The following MAEL variants were observed in gnomAD, a reference collection of about 807,000 sequenced individuals.
MAEL encodes maelstrom spermatogenic transposon silencer, also known as protein maelstrom homolog.
In MAEL, 46 loss-of-function variants were observed where a neutral mutation model predicts 62.0. The observed-to-expected ratio is 0.74, with a 90% confidence interval of 0.59 to 0.95. The LOEUF is 0.95. Among genes scored for constraint, MAEL ranks in the 40% least tolerant of loss-of-function variants. The pLI is 0.00. For synonymous variants in MAEL, 172 were observed against 175.5 expected, an observed-to-expected ratio of 0.98 and a Z score of 0.16; for missense variants, 497 against 526.8, an observed-to-expected ratio of 0.94 and a Z score of 0.55.
intron 8 of MAEL, among the ~76,000 whole-genome samples, chr1:167,009,359 TG>T (rs1665067088): frequency 6.6e-6 from 1 of 152,232 alleles, no homozygotes; most frequent in Admixed American, 6.5e-5. Context: ...CTTCATTTCA[TG>T]GCTTTGTGTG....
At chr1:166,980,714 C>T (rs906250072) in intron 1 of MAEL, among the ~76,000 whole-genome samples, 2 of 152,154 alleles carry the variant, frequency 1.3e-5, no homozygotes, top group African/African-American at 4.8e-5. Context: ...GTTTTTATTT[C>T]ATGGTTAGCA....
chr1:166,995,400 C>T (rs758760160), intron 5 of MAEL, among the ~76,000 whole-genome samples: 32 of 152,082 alleles, frequency 2.1e-4, no homozygotes, highest in African/African-American at 3.4e-4. Flanking sequence ...CCACCACACC[C>T]GGCTACTTTT....
chr1:166,998,350 A>G (rs1447886291), intron 5 of MAEL, among the ~76,000 whole-genome samples: 1 of 152,184 alleles, frequency 6.6e-6, no homozygotes, highest in Admixed American at 6.5e-5. Flanking sequence ...TGTTAAATTT[A>G]TAGTTTATCA....
At chr1:167,001,503 A>G (rs1200491575) in intron 5 of MAEL, among the ~76,000 whole-genome samples, 1 of 152,240 alleles carries the variant, frequency 6.6e-6, no homozygotes, top group African/African-American at 2.4e-5. Flanking sequence ...TTAGCAATAA[A>G]ATATTTTTAT....
At chr1:167,018,677 A>G (rs1347074998) in intron 10 of MAEL, among the ~76,000 whole-genome samples, 1 of 152,214 alleles carries the variant, frequency 6.6e-6, no homozygotes, top group Non-Finnish European at 1.5e-5. Flanking sequence ...AAAAAATGGC[A>G]TGAACTACTG....
intron 8 of MAEL, among the ~76,000 whole-genome samples, chr1:167,012,832 A>C (rs919809081): frequency 6.6e-6 from 1 of 152,182 alleles, no homozygotes; most frequent in African/African-American, 2.4e-5. Flanking sequence ...TTGTTAGACA[A>C]TCAGTGTGAC....
chr1:167,009,774 T>C (rs964415990), intron 8 of MAEL, among the ~76,000 whole-genome samples: 2 of 152,116 alleles, frequency 1.3e-5, no homozygotes, highest in Non-Finnish European at 2.9e-5. Flanking sequence ...GTTTCTCTTA[T>C]TAACTTTACA....
chr1:166,984,613 C>T (rs1402593386), upstream of MAEL, among the ~76,000 whole-genome samples: 1 of 152,146 alleles, frequency 6.6e-6, no homozygotes. Flanking sequence ...GAGCAATACT[C>T]GAACCCCTTA....
chr1:166,981,891 T>C (rs1663769771), intron 1 of MAEL, among the ~76,000 whole-genome samples: 1 of 152,146 alleles, frequency 6.6e-6, no homozygotes, highest in Non-Finnish European at 1.5e-5. Flanking sequence ...AATTTCTAAG[T>C]AGAACAAGAT....
chr1:166,979,180 AT>A (rs1663683593), intron 1 of MAEL, among the ~76,000 whole-genome samples: 3 of 152,230 alleles, frequency 2.0e-5, no homozygotes, highest in Admixed American at 6.5e-5. Flanking sequence ...AGATAAAATC[AT>A]ATTTCTACTT....
In MAEL at chr1:167,022,021, TC is replaced by T; in HGVS notation, c.*167del. ...TTAAAAAAATTGTGGTTGGAGAGCA[TC>T]TTGGCATTTGTGCTTTTTTTCTTGA... On this transcript the variant is annotated 3_prime_UTR_variant, in exon 12 of 12. Coordinates refer to ENST00000367872, the MANE Select transcript of MAEL (RefSeq NM_032858.3). 7.2e-6 allele frequency: 4 copies of T among 555,446 alleles called. No homozygotes were observed. Among genetic ancestry groups the T allele is most frequent in the Non-Finnish European group, 1.2e-5 (4 of 324,402 alleles). 34.4% of individuals were successfully genotyped at this position (555,446 alleles called of 1,614,324 possible).
At chr1:167,006,614 TATATATATATATATATATATATAC>T (rs1195195427) in intron 8 of MAEL, among the ~76,000 whole-genome samples, 1 of 82,626 alleles carries the variant, frequency 1.2e-5, no homozygotes, top group East Asian at 3.8e-4. Context: ...TATATATATA[TATATATATATATATATATATATAC>T]ATTTTTTTTT....
chr1:166,991,560 A>G (rs1664176131), intron 3 of MAEL, 83 bp downstream of exon 3: 2 of 818,526 alleles, frequency 2.4e-6, no homozygotes, highest in South Asian at 2.9e-5. Flanking sequence ...TTTTCTGTTC[A>G]TTTTGATCCT....
chr1:167,018,877 G>T (rs1376497386), intron 10 of MAEL, among the ~76,000 whole-genome samples: 1 of 152,172 alleles, frequency 6.6e-6, no homozygotes, highest in Non-Finnish European at 1.5e-5. Flanking sequence ...AAGGGATTGA[G>T]CATGAGAGAG....
intron 3 of MAEL, among the ~76,000 whole-genome samples, 184 bp from the exon 4 acceptor site, chr1:166,992,502 T>C (rs941218976): frequency 6.6e-6 from 1 of 152,198 alleles, no homozygotes; most frequent in Non-Finnish European, 1.5e-5. Flanking sequence ...ATTGTAATTA[T>C]AAGAATTTTG....
chr1:167,017,420 G>T (rs1016089872), intron 9 of MAEL, among the ~76,000 whole-genome samples: 2 of 152,128 alleles, frequency 1.3e-5, no homozygotes, highest in African/African-American at 4.8e-5. Flanking sequence ...TTCTCGTTTT[G>T]TAGTGAAAGT....
At chr1:166,999,088 G>A (rs890885334) in intron 5 of MAEL, among the ~76,000 whole-genome samples, 1 of 152,074 alleles carries the variant, frequency 6.6e-6, no homozygotes, top group African/African-American at 2.4e-5. Context: ...ATTGAAATTA[G>A]GTCAATTAAT....
chr1:166,988,390 G>A (rs963239304), upstream of MAEL, among the ~76,000 whole-genome samples: 4 of 149,134 alleles, frequency 2.7e-5, no homozygotes, highest in African/African-American at 4.9e-5. Flanking sequence ...AGATAAAACC[G>A]TGTGATTACC....
intron 10 of MAEL, among the ~76,000 whole-genome samples, chr1:167,020,319 CT>C (rs1188681710): frequency 6.6e-6 from 1 of 152,058 alleles, no homozygotes; most frequent in African/African-American, 2.4e-5. Context: ...TTTCCTCATA[CT>C]TGACAGATAC....
Sources: allele counts gnomAD v4.1 joint callset (sites outside exome capture counted in the v4.1 genomes callset), GRCh38; gene constraint gnomAD v4.1.1; transcripts MANE v1.5; gene names NCBI Gene and HGNC (gene_info 2026-07-23, HGNC 2026-07-21).